The following DMRT3 variants were observed in gnomAD, a reference collection of about 807,000 sequenced individuals.
DMRT3 encodes doublesex and mab-3 related transcription factor 3.
Under a neutral mutation model 34.9 loss-of-function variants are expected in DMRT3, and 29 were observed. The observed-to-expected ratio is 0.83, with a 90% confidence interval of 0.62 to 1.13. The LOEUF (loss-of-function observed/expected upper bound fraction) is 1.13, where lower values mean the gene tolerates loss of function less well. Ranked by LOEUF, DMRT3 falls within the 50% of genes most tolerant of loss-of-function variation. The probability of loss-of-function intolerance (pLI) is 0.00; values close to 1 mark genes in which losing one functional copy is unlikely to be tolerated. For missense variants in DMRT3, 772 were observed against 629.1 expected, an observed-to-expected ratio of 1.23 and a Z score of -2.43; for synonymous variants, 350 against 286.0, an observed-to-expected ratio of 1.22 and a Z score of -2.26.
chr9:986,123 G>A (rs12003946), intron 1 of DMRT3, among the ~76,000 whole-genome samples: 31,682 of 152,132 alleles, frequency 0.21, 3,741 homozygotes, highest in East Asian at 0.26. Flanking sequence ...AGTAGCAGGG[G>A]CAAAGGGTAA....
Position 990,901 on chromosome 9 carries a change from G to A in DMRT3, c.1315G>A (p.Asp439Asn). ...GGAAGACCCTCGGATTTCCATCCCT[G>A]ATGATGGGTGTCCATTTGTGTCAAA... ...ATEDPRISIP[D>N]DGCPFVSKQS... The change falls in exon 2 of 2, where the codon GAT becomes AAT. Residue 439 changes from aspartate to asparagine, a missense_variant. Physicochemically the swap from Asp to Asn is conservative, Grantham distance 23 (BLOSUM62 1). Coordinates refer to ENST00000190165, the MANE Select transcript of DMRT3 (RefSeq NM_021240.4). 6.2e-7 allele frequency: 1 copy of A among 1,614,154 alleles called. No homozygotes were observed. The highest frequency in any genetic ancestry group is 1.1e-5 in the South Asian group (1 of 91,080).
chr9:987,174 C>G (rs868665424), intron 1 of DMRT3, among the ~76,000 whole-genome samples: 5 of 152,148 alleles, frequency 3.3e-5, no homozygotes, highest in African/African-American at 7.2e-5. Flanking sequence ...TCATTCCAGA[C>G]GGAAACTCCA....
intron 1 of DMRT3, among the ~76,000 whole-genome samples, chr9:979,842 T>C (rs1174175332): frequency 6.6e-6 from 1 of 152,240 alleles, no homozygotes; most frequent in Non-Finnish European, 1.5e-5. Flanking sequence ...TAACATTCCA[T>C]ATGTATTTAG....
rs754196469 is a variant in DMRT3 at position 991,018 on chromosome 9, T to C, written c.*13T>C. 1.5e-5 allele frequency: 24 copies of C among 1,595,504 alleles called. No homozygotes were observed. The South Asian group carries it at 2.6e-4, about 17-fold the overall frequency. ...CACATCATCTTAAAGTGGTGCTGGA[T>C]GGGTGGTGGCCAGGTGACATTTTCT... On this transcript the variant is annotated 3_prime_UTR_variant, in exon 2 of 2. Transcript: ENST00000190165.
rs957559381 is a variant in DMRT3 at position 990,327 on chromosome 9, C to T, written c.741C>T (p.Ala247=). 2.5e-6 allele frequency: 4 copies of T among 1,613,758 alleles called. No homozygotes were observed. The highest frequency in any genetic ancestry group is 3.4e-6 in the Non-Finnish European group (4 of 1,180,032). The change falls in exon 2 of 2, where the codon GCC becomes GCT. Residue 247 remains alanine, a synonymous_variant. Coordinates refer to ENST00000190165, the MANE Select transcript of DMRT3 (RefSeq NM_021240.4). ...GTVSLPFSLK[A]NRPPLEVLKK... ...TTTCTCTGCCCTTCAGCTTGAAAGC[C>T]AACAGACCGCCGCTTGAAGTGTTAA... is the stretch of plus-strand genomic sequence containing the variant.
chr9:983,741 T>G, intron 1 of DMRT3, among the ~76,000 whole-genome samples: 1 of 152,278 alleles, frequency 6.6e-6, no homozygotes, highest in South Asian at 2.1e-4. Context: ...CAAAACTAAT[T>G]TTTTACAAAA....
intron 1 of DMRT3, among the ~76,000 whole-genome samples, chr9:987,436 G>C (rs1023997919): frequency 6.8e-6 from 1 of 146,532 alleles, no homozygotes; most frequent in African/African-American, 2.7e-5. Flanking sequence ...GTGTGTGTGT[G>C]TGTGTGTGTG....
rs964563480 is a variant in DMRT3 at position 976,682 on chromosome 9, A to C, written c.-320A>C. 8.5e-5 allele frequency among the ~76,000 whole-genome samples: 13 copies of C among 152,186 alleles called. No homozygotes were observed. The highest frequency in any genetic ancestry group is 3.1e-4 in the African/African-American group (13 of 41,458). ...AGAAGAGCTGGCTCAGACCTTAATC[A>C]GAGCTGTCGCCGGCTCCTTGCAGCC... is the stretch of plus-strand genomic sequence containing the variant. On this transcript the variant is annotated 5_prime_UTR_variant, in exon 1 of 2. Coordinates refer to ENST00000190165, the MANE Select transcript of DMRT3 (RefSeq NM_021240.4). The surrounding 1 kb of genome is among the most constrained non-coding windows in gnomAD (Gnocchi z 4.5).
intron 1 of DMRT3, among the ~76,000 whole-genome samples, chr9:985,258 C>A (rs909731454): frequency 3.9e-5 from 6 of 152,138 alleles, no homozygotes; most frequent in African/African-American, 9.7e-5. Context: ...AAATTGATTT[C>A]TTCCCTGTTT....
At position 991,002 on chromosome 9, in the gene DMRT3, T is replaced by A. The variant is rs933081238; in HGVS notation, c.1416T>A (p.Ser472=). The A allele has an allele frequency of 3.1e-6, 5 of 1,605,722 alleles. No homozygotes were observed. Among genetic ancestry groups the A allele is most frequent in the African/African-American group, 1.3e-5 (1 of 74,898 alleles). Reference sequence around the variant, plus strand: ...ACTCTAGAACACTCAACACATCATCTTAAAGTGGTGCTGGATGGGTGGTGG... The same window carrying A: ...ACTCTAGAACACTCAACACATCATCATAAAGTGGTGCTGGATGGGTGGTGG... ...SSDSRTLNTS[S] is the part of the protein sequence containing the mutation. Residue 472 remains serine, a synonymous_variant, in exon 2 of 2, where the codon TCT becomes TCA. Transcript: ENST00000190165.
intron 1 of DMRT3, among the ~76,000 whole-genome samples, chr9:982,920 G>C (rs1820239763): frequency 6.6e-6 from 1 of 152,076 alleles, no homozygotes; most frequent in South Asian, 2.1e-4. Flanking sequence ...GGACCTCCTT[G>C]TCTAGTCCTG....
intron 1 of DMRT3, among the ~76,000 whole-genome samples, chr9:979,650 A>C (rs1463092201): frequency 6.6e-6 from 1 of 152,126 alleles, no homozygotes; most frequent in Non-Finnish European, 1.5e-5. Context: ...AGTGGGGAGA[A>C]AGGTAGGAAA....
rs1333662098 is a variant in DMRT3, at chr9:988,114, G to C, written c.455-1927G>C. On this transcript the variant is annotated intron_variant, in intron 1 of 1. Coordinates refer to ENST00000190165, the MANE Select transcript of DMRT3 (RefSeq NM_021240.4). ...TGTCCCCCATCCTAAGAAGTTGTAG[G>C]AGAGAATATGTCAAATTTCTCTTAC... 3.9e-5 allele frequency among the ~76,000 whole-genome samples: 6 copies of C among 152,150 alleles called. No individual in the cohort carries two copies. The East Asian group carries it at 9.7e-4, about 24-fold the overall frequency.
At chr9:982,420 G>A (rs562686721) in intron 1 of DMRT3, among the ~76,000 whole-genome samples, 2 of 152,312 alleles carry the variant, frequency 1.3e-5, no homozygotes, top group South Asian at 2.1e-4. Flanking sequence ...GAGGATAGCC[G>A]TGCTCTCGAC....
chr9:991,104 TG>T lies in DMRT3; in HGVS notation c.*100del. On this transcript the variant is annotated 3_prime_UTR_variant, in exon 2 of 2. Coordinates refer to ENST00000190165, the MANE Select transcript of DMRT3 (RefSeq NM_021240.4). ...ACATCTTGTGTATGCCCTTTCCTTC[TG>T]TTTGACAAAGTGACTGTGCTTGATT... 6.9e-7 allele frequency: 1 copy of T among 1,443,270 alleles called. No individual in the cohort carries two copies. The highest frequency in any genetic ancestry group is 9.3e-7 in the Non-Finnish European group (1 of 1,073,746). The allele number at this position is 1,443,270 out of a possible 1,614,324, so 89.4% of individuals were successfully genotyped here.
intron 1 of DMRT3, 192 bp from the exon 2 acceptor site, chr9:989,849 C>T: frequency 1.5e-6 from 1 of 651,700 alleles, no homozygotes; most frequent in Non-Finnish European, 2.5e-6. Flanking sequence ...ATTTCTAGAT[C>T]TTTATTTACA....
chr9:983,851 T>C (rs1820250450), intron 1 of DMRT3, among the ~76,000 whole-genome samples: 1 of 152,280 alleles, frequency 6.6e-6, no homozygotes, highest in South Asian at 2.1e-4. Flanking sequence ...CTCTGATTCC[T>C]TCATACGTTA....
Position 991,094 on chromosome 9 carries a change from C to G in DMRT3, c.*89C>G, listed in dbSNP as rs1196915942. 6.8e-7 allele frequency: 1 copy of G among 1,474,902 alleles called. No homozygotes were observed. The highest frequency in any genetic ancestry group is 1.4e-5 in the African/African-American group (1 of 70,992). 91.4% of individuals were successfully genotyped at this position (1,474,902 alleles called of 1,614,324 possible). The stretch of plus-strand genomic sequence containing the variant: ...AGGAGAGGCCACATCTTGTGTATGC[C>G]CTTTCCTTCTGTTTGACAAAGTGAC... On this transcript the variant is annotated 3_prime_UTR_variant, in exon 2 of 2. Coordinates refer to ENST00000190165, the MANE Select transcript of DMRT3 (RefSeq NM_021240.4).
chr9:991,174 C>A lies in DMRT3; in HGVS notation c.*169C>A. The A allele has an allele frequency of 1.1e-6, 1 of 901,334 alleles. No individual in the cohort carries two copies. Among genetic ancestry groups the A allele is most frequent in the Non-Finnish European group, 1.6e-6 (1 of 609,330 alleles). The allele number at this position is 901,334 out of a possible 1,614,324, so 55.8% of individuals were successfully genotyped here. A position where few individuals can be genotyped will look rare whatever the true frequency, so the allele number is the denominator to read the frequency against. ...AACATAACTTATTTAACTTCTTGCA[C>A]TTCACTGGAAAATGCCAAATAGCTC... On this transcript the variant is annotated 3_prime_UTR_variant, in exon 2 of 2. Transcript: ENST00000190165.
Sources: allele counts gnomAD v4.1 joint callset (sites outside exome capture counted in the v4.1 genomes callset), GRCh38; gene constraint gnomAD v4.1.1; non-coding constraint Gnocchi (gnomAD v3.1); transcripts MANE v1.5; gene names NCBI Gene and HGNC (gene_info 2026-07-23, HGNC 2026-07-21).